STK38: variants seen among roughly 807,000 people sequenced by gnomAD.
STK38 encodes serine/threonine kinase 38.
STK38 carries 26 observed loss-of-function variants against 59.0 expected under a neutral mutation model. That is an observed-to-expected ratio of 0.44 (90% CI 0.32 to 0.61). STK38 has a LOEUF of 0.61. STK38 is among the 20% of genes least tolerant of loss of function. The pLI is 0.04. For missense variants in STK38, 433 were observed against 566.0 expected (o/e 0.76, Z 2.38); for synonymous variants, 175 against 176.6 (o/e 0.99, Z 0.07).
rs983696608 is a variant in STK38 at position 36,498,239 on chromosome 6, T to C, written c.1076+124A>G. 5 of 1,342,586 alleles carry C rather than the reference T, an allele frequency of 3.7e-6. No individual in the cohort carries two copies. The African/African-American group carries it at 7.4e-5, about 20-fold the overall frequency. 83.2% of individuals were successfully genotyped at this position (1,342,586 alleles called of 1,614,324 possible). A position where few individuals can be genotyped will look rare whatever the true frequency, so the allele number is the denominator to read the frequency against. ...AAGCCACCATGCACAGCCTTTTTAT[T>C]TGTTTAAAGAGAGGAATAGGAGGAA... On this transcript the variant is annotated intron_variant, in intron 11 of 13. Coordinates refer to ENST00000229812, the MANE Select transcript of STK38 (RefSeq NM_007271.4).
At chr6:36,500,128 G>A in intron 9 of STK38, 138 bp from the exon 10 acceptor site, 2 of 650,818 alleles carry the variant, frequency 3.1e-6, no homozygotes, top group Non-Finnish European at 5.5e-6. Context: ...TAGCTTAATG[G>A]CAAGCTCGAT....
At chr6:36,511,449 C>T (rs1027532049) in intron 7 of STK38, among the ~76,000 whole-genome samples, 4 of 151,850 alleles carry the variant, frequency 2.6e-5, no homozygotes, top group African/African-American at 4.8e-5. Context: ...CTCTGCCTCC[C>T]GGGTTCAAGA....
chr6:36,496,612 C>A, intron 13 of STK38, 99 bp downstream of exon 13: 2 of 852,330 alleles, frequency 2.3e-6, no homozygotes, highest in South Asian at 1.5e-5. Context: ...AAATGAAATT[C>A]CTCTCCATGT....
chr6:36,499,368 T>C (rs556464432), intron 10 of STK38, among the ~76,000 whole-genome samples: 8 of 152,182 alleles, frequency 5.3e-5, no homozygotes, highest in Middle Eastern at 3.4e-3. Context: ...AGCAGCCAGA[T>C]AGACTCACCC....
intron 9 of STK38, among the ~76,000 whole-genome samples, chr6:36,506,091 C>G (rs947709857): frequency 6.6e-6 from 1 of 152,124 alleles, no homozygotes; most frequent in South Asian, 2.1e-4. Flanking sequence ...CTTTATATTT[C>G]TCTCCAATCT....
chr6:36,531,787 A>C (rs538124638), intron 2 of STK38, among the ~76,000 whole-genome samples: 1 of 152,328 alleles, frequency 6.6e-6, no homozygotes, highest in East Asian at 1.9e-4. Flanking sequence ...ATCATATTTT[A>C]TGTTTACACA....
intron 2 of STK38, among the ~76,000 whole-genome samples, chr6:36,533,145 T>C (rs1777708094): frequency 6.6e-6 from 1 of 151,672 alleles, no homozygotes; most frequent in East Asian, 1.9e-4. Context: ...AAAGTACTAG[T>C]GCATTGTTGT....
At chr6:36,509,226 G>A (rs1353581696) in intron 7 of STK38, among the ~76,000 whole-genome samples, 1 of 152,180 alleles carries the variant, frequency 6.6e-6, no homozygotes, top group Admixed American at 6.5e-5. Flanking sequence ...TTTACTGAGC[G>A]ACAGTACAGC....
chr6:36,528,626 T>C (rs965431312), intron 2 of STK38, among the ~76,000 whole-genome samples: 2 of 152,206 alleles, frequency 1.3e-5, no homozygotes, highest in Non-Finnish European at 2.9e-5. Context: ...GTACTCTTAG[T>C]AGTTTCGGGA....
intron 9 of STK38, among the ~76,000 whole-genome samples, chr6:36,503,444 G>C (rs1776888573): frequency 6.6e-6 from 1 of 151,596 alleles, no homozygotes; most frequent in African/African-American, 2.4e-5. Flanking sequence ...GTGTGTGTGT[G>C]TGTGTTTGTG....
At chr6:36,531,844 T>G (rs538779549) in intron 2 of STK38, among the ~76,000 whole-genome samples, 62 of 152,368 alleles carry the variant, frequency 4.1e-4, no homozygotes, top group African/African-American at 1.4e-3. Context: ...ATCTCTGGGC[T>G]TTGGACACGT....
At chr6:36,498,301 A>T in intron 11 of STK38, 62 bp downstream of exon 11, 2 of 1,570,262 alleles carry the variant, frequency 1.3e-6, no homozygotes, top group South Asian at 2.4e-5. Flanking sequence ...AAAGTTTTTA[A>T]AAAAATGGAA....
Position 36,521,754 on chromosome 6 carries a change from C to T in STK38, c.370G>A (p.Asp124Asn). The T allele has an allele frequency of 6.2e-7, 1 of 1,610,770 alleles. No homozygotes were observed. The highest frequency in any genetic ancestry group is 8.5e-7 in the Non-Finnish European group (1 of 1,179,112). Residue 124 changes from aspartate to asparagine, a missense_variant, in exon 5 of 14, where the codon GAT becomes AAT. Around this residue, in one of 3 missense-constraint regions of STK38, gnomAD observed 293 missense variants for 388.2 expected, o/e 0.75. Coordinates refer to ENST00000229812, the MANE Select transcript of STK38 (RefSeq NM_007271.4). ...TTTACCTGCTCTTTTTCAAGCATAT[C>T]TGCTTTACGGAGTATTTTCATTGCA... ...VYAMKILRKA[D>N]MLEKEQVGHI...
chr6:36,498,706 G>A (rs938736093), intron 10 of STK38, among the ~76,000 whole-genome samples: 3 of 150,932 alleles, frequency 2.0e-5, no homozygotes, highest in Non-Finnish European at 4.4e-5. Context: ...TCCTGCCTCA[G>A]CCTTCCCAGT....
At chr6:36,519,307 T>C (rs1561982583) in intron 5 of STK38, among the ~76,000 whole-genome samples, 3 of 152,164 alleles carry the variant, frequency 2.0e-5, no homozygotes, top group South Asian at 2.1e-4. Flanking sequence ...TTGACCTTAA[T>C]ACAGAAGCAA....
chr6:36,500,635 C>T (rs1273739814), intron 9 of STK38, among the ~76,000 whole-genome samples: 2 of 151,354 alleles, frequency 1.3e-5, no homozygotes, highest in Admixed American at 1.3e-4. Flanking sequence ...TGGTGTGCAC[C>T]TGTAGTCCTA....
At chr6:36,540,929 C>T (rs1423281727) in intron 1 of STK38, among the ~76,000 whole-genome samples, 3 of 150,960 alleles carry the variant, frequency 2.0e-5, no homozygotes, top group Non-Finnish European at 4.4e-5. Flanking sequence ...GAAGGAGTCT[C>T]GCTCTGTCGC....
intron 9 of STK38, among the ~76,000 whole-genome samples, chr6:36,503,385 T>G (rs564008823): frequency 2.6e-5 from 4 of 152,148 alleles, no homozygotes; most frequent in African/African-American, 7.2e-5. Flanking sequence ...GAATTGACTT[T>G]TGCATATACT....
intron 6 of STK38, 26 bp from the exon 7 acceptor site, chr6:36,515,518 CCACACACACACACACA>C (rs66494457): frequency 6.8e-5 from 104 of 1,538,520 alleles, no homozygotes; most frequent in Non-Finnish European, 8.6e-5. Flanking sequence ...TACAAAGCCA[CCACACACACACACACA>C]CACACACACA....
Sources: allele counts gnomAD v4.1 joint callset (sites outside exome capture counted in the v4.1 genomes callset), GRCh38; gene constraint gnomAD v4.1.1; regional missense constraint gnomAD v4.1.1; transcripts MANE v1.5; gene names NCBI Gene and HGNC (gene_info 2026-07-23, HGNC 2026-07-21).